The following NME7 variants were observed in gnomAD, a reference collection of about 807,000 sequenced individuals.
NME7 encodes the protein nucleoside diphosphate kinase 7.
NME7 carries 41 observed loss-of-function variants against 49.1 expected under a neutral mutation model. The observed-to-expected ratio is 0.83, with a 90% confidence interval of 0.65 to 1.08. NME7 has a LOEUF of 1.08. Among genes scored for constraint, NME7 ranks in the 50% least tolerant of loss-of-function variants. The pLI, the probability that NME7 is intolerant of heterozygous loss-of-function variation, is 0.00. For synonymous variants in NME7, 139 were observed against 150.6 expected (o/e 0.92, Z 0.56); for missense variants, 423 against 463.4 (o/e 0.91, Z 0.80).
chr1:169,327,673 T>A (rs1366789392), intron 1 of NME7, among the ~76,000 whole-genome samples: 1 of 152,196 alleles, frequency 6.6e-6, no homozygotes, highest in African/African-American at 2.4e-5. Context: ...TTGAGTGGAA[T>A]GTAAAATTCA....
chr1:169,229,730 A>T (rs1277873728), intron 10 of NME7, among the ~76,000 whole-genome samples: 1 of 152,044 alleles, frequency 6.6e-6, no homozygotes, highest in Non-Finnish European at 1.5e-5. Flanking sequence ...GGAGGCCGAG[A>T]CAGGCTGATC....
chr1:169,259,641 T>C (rs1649100107), intron 7 of NME7, among the ~76,000 whole-genome samples: 3 of 134,076 alleles, frequency 2.2e-5, no homozygotes, highest in Admixed American at 1.5e-4. Context: ...GAGGTGCATG[T>C]TTTGAATCAC....
intron 11 of NME7, among the ~76,000 whole-genome samples, chr1:169,150,738 A>G (rs1658889239): frequency 6.7e-6 from 1 of 149,568 alleles, no homozygotes; most frequent in Admixed American, 6.7e-5. Flanking sequence ...GAGGGTTTAT[A>G]TGATGAGAAG....
At chr1:169,170,444 A>C (rs969372273) in intron 10 of NME7, among the ~76,000 whole-genome samples, 1 of 152,222 alleles carries the variant, frequency 6.6e-6, no homozygotes, top group Non-Finnish European at 1.5e-5. Flanking sequence ...ACATGCATTT[A>C]TTTAATTACT....
At chr1:169,173,411 C>T (rs184797084) in intron 10 of NME7, among the ~76,000 whole-genome samples, 1 of 151,878 alleles carries the variant, frequency 6.6e-6, no homozygotes, top group Non-Finnish European at 1.5e-5. Context: ...CATTAATAAA[C>T]CTCAGAAAAC....
Position 169,309,965 on chromosome 1 carries a change from A to G in NME7, c.389+5T>C, listed in dbSNP as rs755949504. ...TTACATAACTGAAAATGATAAAAAAATTACCTTGAAAGCATCATCATTTTG... is the reference window on the plus strand; with the variant it reads ...TTACATAACTGAAAATGATAAAAAAGTTACCTTGAAAGCATCATCATTTTG... On this transcript the variant is annotated splice_donor_5th_base_variant and intron_variant, in intron 4 of 11. Coordinates refer to ENST00000367811, the MANE Select transcript of NME7 (RefSeq NM_013330.5). 6 of 1,490,874 alleles carry G rather than the reference A, an allele frequency of 4.0e-6. No individual in the cohort carries two copies. In the Middle Eastern group the frequency reaches 8.9e-4, roughly 221 times the overall value. The allele number at this position is 1,490,874 out of a possible 1,614,324, so 92.4% of individuals were successfully genotyped here. A position where few individuals can be genotyped will look rare whatever the true frequency, so the allele number is the denominator to read the frequency against.
rs529799488 is a variant in NME7 at position 169,261,060 on chromosome 1, T to G, written c.755-23373A>C. ...CCCTGAATCACCGTGACTCTGAATC[T>G]TAAAATAGAAAAAAAAAAGTGAAAA... On this transcript the variant is annotated intron_variant, in intron 7 of 11. Coordinates refer to ENST00000367811, the MANE Select transcript of NME7 (RefSeq NM_013330.5). Among the ~76,000 whole-genome samples, 4 of 133,206 alleles carry G rather than the reference T, an allele frequency of 3.0e-5. No homozygotes were observed. In the East Asian group the frequency reaches 8.0e-4, roughly 26 times the overall value. The allele number at this position is 133,206 out of a possible 152,430, so 87.4% of individuals were successfully genotyped here.
intron 1 of NME7, among the ~76,000 whole-genome samples, chr1:169,342,067 T>C (rs1652727286): frequency 6.6e-6 from 1 of 152,134 alleles, no homozygotes; most frequent in African/African-American, 2.4e-5. Flanking sequence ...GAAAAGGACA[T>C]GAGATTTGGG....
At chr1:169,243,963 TAAG>T (rs937631674) in intron 7 of NME7, among the ~76,000 whole-genome samples, 119 of 152,266 alleles carry the variant, frequency 7.8e-4, no homozygotes, top group African/African-American at 2.8e-3. Flanking sequence ...CCCCAGAGCC[TAAG>T]ATTATATTAT....
At chr1:169,178,702 T>C (rs1188545328) in intron 10 of NME7, among the ~76,000 whole-genome samples, 1 of 152,140 alleles carries the variant, frequency 6.6e-6, no homozygotes, top group Admixed American at 6.5e-5. Context: ...AAAGCTGTTT[T>C]CCCTGTTCCC....
intron 1 of NME7, among the ~76,000 whole-genome samples, chr1:169,352,272 A>T (rs78749371): frequency 1.1e-3 from 167 of 152,290 alleles, no homozygotes; most frequent in African/African-American, 3.8e-3. Flanking sequence ...GGATGGTACA[A>T]CACATGCAAA....
At chr1:169,200,600 T>G (rs1160664565) in intron 10 of NME7, among the ~76,000 whole-genome samples, 1 of 152,106 alleles carries the variant, frequency 6.6e-6, no homozygotes, top group East Asian at 1.9e-4. Context: ...TCTTACAATC[T>G]GGATCAATAT....
At chr1:169,293,746 T>C (rs555667012) in intron 6 of NME7, among the ~76,000 whole-genome samples, 7 of 152,132 alleles carry the variant, frequency 4.6e-5, no homozygotes, top group Non-Finnish European at 8.8e-5. Flanking sequence ...TTGAATGAAA[T>C]TACCCAATTT....
intron 7 of NME7, chr1:169,284,574 G>A (rs1283064048): frequency 6.6e-6 from 1 of 152,084 alleles, no homozygotes; most frequent in Admixed American, 6.6e-5. Context: ...CTGTACAGAA[G>A]CTCTTTAGTT....
At position 169,238,713 on chromosome 1, in the gene NME7, G is replaced by T. The variant is rs1647964572; in HGVS notation, c.755-1026C>A. On this transcript the variant is annotated intron_variant, in intron 7 of 11. Transcript: ENST00000367811. ...CATCTGTACCAAATGAAGGCCAAAT[G>T]ATATCATAGCATGCTGTAGAAACAA... 2.0e-5 allele frequency among the ~76,000 whole-genome samples: 3 copies of T among 151,928 alleles called. No individual in the cohort carries two copies. The South Asian group carries it at 6.2e-4, about 31-fold the overall frequency.
chr1:169,344,966 G>A (rs1652905473), intron 1 of NME7, among the ~76,000 whole-genome samples: 2 of 152,106 alleles, frequency 1.3e-5, no homozygotes, highest in African/African-American at 2.4e-5. Context: ...AGTCATCTGG[G>A]TATGAGCTTT....
At chr1:169,322,883 G>T (rs920845242) in intron 3 of NME7, among the ~76,000 whole-genome samples, 4 of 152,108 alleles carry the variant, frequency 2.6e-5, no homozygotes, top group Non-Finnish European at 5.9e-5. Context: ...TTGCAATGTG[G>T]ATGGAGATGT....
chr1:169,299,147 T>C (rs376852355), intron 5 of NME7, among the ~76,000 whole-genome samples: 215 of 152,330 alleles, frequency 1.4e-3, no homozygotes, highest in African/African-American at 4.9e-3. Context: ...TTTCACAATA[T>C]ATAGGGATGG....
chr1:169,346,489 A>G lies in NME7; in HGVS notation c.3+21219T>C, dbSNP rs550740763. 2.0e-5 allele frequency among the ~76,000 whole-genome samples: 3 copies of G among 152,216 alleles called. No individual in the cohort carries two copies. In the South Asian group the frequency reaches 6.2e-4, roughly 32 times the overall value. ...TGGCTTATCTTTTCTCACCCTCAAG[A>G]CTTTGCTCAGGTATCATCATCTTCT... On this transcript the variant is annotated intron_variant, in intron 1 of 11. Coordinates refer to ENST00000367811, the MANE Select transcript of NME7 (RefSeq NM_013330.5).
Sources: allele counts gnomAD v4.1 joint callset (sites outside exome capture counted in the v4.1 genomes callset), GRCh38; gene constraint gnomAD v4.1.1; transcripts MANE v1.5; gene names NCBI Gene and HGNC (gene_info 2026-07-23, HGNC 2026-07-21).